The following NDUFS4 variants were observed in gnomAD, a reference collection of about 807,000 sequenced individuals.
NDUFS4 encodes NADH:ubiquinone oxidoreductase subunit S4.
A neutral mutation model predicts 24.3 loss-of-function variants in NDUFS4; 28 were observed. The ratio of observed to expected loss-of-function variants is 1.15; its 90% confidence interval spans 0.85 to 1.58. The LOEUF (loss-of-function observed/expected upper bound fraction) is 1.58. Among genes scored for constraint, NDUFS4 ranks in the 40% most tolerant of loss-of-function variants. NDUFS4 has a pLI of 0.00. For synonymous variants in NDUFS4, 93 were observed against 69.7 expected, an observed-to-expected ratio of 1.34 and a Z score of -1.67; for missense variants, 223 against 207.9, an observed-to-expected ratio of 1.07 and a Z score of -0.45.
At chr5:53,601,298 C>T (rs193301053) in intron 1 of NDUFS4, among the ~76,000 whole-genome samples, 2 of 152,104 alleles carry the variant, frequency 1.3e-5, no homozygotes, top group African/African-American at 2.4e-5. Context: ...CCACCGCGCC[C>T]GGCTACACAT....
intron 4 of NDUFS4, among the ~76,000 whole-genome samples, chr5:53,678,501 G>A (rs1297423987): frequency 6.6e-6 from 1 of 152,166 alleles, no homozygotes; most frequent in African/African-American, 2.4e-5. Flanking sequence ...CTGTCGCACA[G>A]CTGAGAAGAG....
intron 3 of NDUFS4, among the ~76,000 whole-genome samples, chr5:53,649,600 C>T (rs1403381301): frequency 6.6e-6 from 1 of 152,078 alleles, no homozygotes; most frequent in South Asian, 2.1e-4. Context: ...TTATCCAATC[C>T]ATTGTTGATG....
intron 2 of NDUFS4, among the ~76,000 whole-genome samples, chr5:53,635,383 G>T (rs1274488938): frequency 2.0e-5 from 3 of 151,948 alleles, no homozygotes; most frequent in African/African-American, 7.2e-5. Flanking sequence ...AGCCAGGCAG[G>T]GAGGCATGTG....
At chr5:53,582,059 AAAT>A (rs1749583078) in intron 1 of NDUFS4, among the ~76,000 whole-genome samples, 2 of 151,712 alleles carry the variant, frequency 1.3e-5, no homozygotes, top group African/African-American at 4.8e-5. Flanking sequence ...AAAATACAAA[AAAT>A]TAGCCGGGCG....
At chr5:53,643,341 A>G (rs1199500700) in intron 2 of NDUFS4, among the ~76,000 whole-genome samples, 2 of 152,172 alleles carry the variant, frequency 1.3e-5, no homozygotes, top group Non-Finnish European at 2.9e-5. Context: ...CAGGTGATCC[A>G]TATTGCCATA....
intron 1 of NDUFS4, among the ~76,000 whole-genome samples, chr5:53,576,487 A>G (rs532917278): frequency 1.8e-4 from 28 of 152,188 alleles, no homozygotes; most frequent in Admixed American, 3.3e-4. Flanking sequence ...GGTAGATACT[A>G]TAACTGATAG....
At chr5:53,601,426 T>C (rs1225419487) in intron 1 of NDUFS4, among the ~76,000 whole-genome samples, 1 of 152,184 alleles carries the variant, frequency 6.6e-6, no homozygotes, top group African/African-American at 2.4e-5. Flanking sequence ...TTAAGAACTT[T>C]ACTTTGGATT....
intron 2 of NDUFS4, among the ~76,000 whole-genome samples, chr5:53,632,946 A>C (rs1013065788): frequency 6.6e-6 from 1 of 152,138 alleles, no homozygotes; most frequent in Non-Finnish European, 1.5e-5. Flanking sequence ...GATGTTCTCA[A>C]TTCTCTTTAT....
chr5:53,661,559 G>C (rs140585075), intron 4 of NDUFS4, among the ~76,000 whole-genome samples: 2,537 of 152,214 alleles, frequency 0.017, 29 homozygotes, highest in Middle Eastern at 0.024. Flanking sequence ...TAGCTTGATG[G>C]GAATGGCATT....
chr5:53,683,291 A>ATT lies in NDUFS4; in HGVS notation c.*70_*71insTT. The stretch of plus-strand genomic sequence containing the variant: ...TGTGCAGTATTTATAGTCCATGTAT[A>ATT]ATAAATACATCTCTTAATCTCCTAA... On this transcript the variant is annotated 3_prime_UTR_variant, in exon 5 of 5. Transcript: ENST00000296684. 9.6e-7 allele frequency: 1 copy of ATT among 1,045,580 alleles called. No homozygotes were observed. Among genetic ancestry groups the ATT allele is most frequent in the Non-Finnish European group, 1.5e-6 (1 of 664,480 alleles). The allele number at this position is 1,045,580 out of a possible 1,614,324, so 64.8% of individuals were successfully genotyped here. A position where few individuals can be genotyped will look rare whatever the true frequency, so the allele number is the denominator to read the frequency against.
chr5:53,661,825 G>C (rs1042650142), intron 4 of NDUFS4, among the ~76,000 whole-genome samples: 1 of 152,172 alleles, frequency 6.6e-6, no homozygotes, highest in East Asian at 1.9e-4. Context: ...AAGAATGCTT[G>C]TGGTTTTTGC....
At chr5:53,587,448 G>A (rs1749799122) in intron 1 of NDUFS4, among the ~76,000 whole-genome samples, 1 of 151,884 alleles carries the variant, frequency 6.6e-6, no homozygotes, top group Non-Finnish European at 1.5e-5. Context: ...TGCTTATTTT[G>A]CATATATATG....
intron 1 of NDUFS4, among the ~76,000 whole-genome samples, chr5:53,596,511 CT>C (rs1561351417): frequency 6.6e-6 from 1 of 152,122 alleles, no homozygotes; most frequent in African/African-American, 2.4e-5. Flanking sequence ...TTGGTTCTCT[CT>C]TTTTTCTATC....
At chr5:53,560,904 C>G in intron 1 of NDUFS4, 144 bp downstream of exon 1, 1 of 1,524,796 alleles carries the variant, frequency 6.6e-7, no homozygotes, top group Non-Finnish European at 8.8e-7. Flanking sequence ...GGACTAGGGA[C>G]TGTCTGCTAT....
At chr5:53,585,664 C>G (rs907618911) in intron 1 of NDUFS4, among the ~76,000 whole-genome samples, 4 of 151,926 alleles carry the variant, frequency 2.6e-5, no homozygotes, top group African/African-American at 4.8e-5. Context: ...ATTACTTGAA[C>G]CTGGGAGGCG....
intron 1 of NDUFS4, among the ~76,000 whole-genome samples, chr5:53,597,267 A>C (rs984121543): frequency 6.6e-6 from 1 of 152,186 alleles, no homozygotes; most frequent in Non-Finnish European, 1.5e-5. Flanking sequence ...ATATTCTAAG[A>C]GACAGGGAGT....
chr5:53,663,167 T>G (rs1752397824), intron 4 of NDUFS4, among the ~76,000 whole-genome samples: 1 of 152,242 alleles, frequency 6.6e-6, no homozygotes, highest in Admixed American at 6.5e-5. Context: ...CTAGTTTGAT[T>G]GCACTGTGGT....
At chr5:53,590,208 C>G (rs916080784) in intron 1 of NDUFS4, among the ~76,000 whole-genome samples, 1 of 152,094 alleles carries the variant, frequency 6.6e-6, no homozygotes, top group Non-Finnish European at 1.5e-5. Context: ...GGCAGTTTAG[C>G]CAGAAATGTC....
chr5:53,617,554 C>T (rs1028545781), intron 2 of NDUFS4, among the ~76,000 whole-genome samples: 3 of 151,930 alleles, frequency 2.0e-5, no homozygotes, highest in Non-Finnish European at 4.4e-5. Flanking sequence ...TTTCTTCTTC[C>T]TTCCATTCTT....
Sources: allele counts gnomAD v4.1 joint callset (sites outside exome capture counted in the v4.1 genomes callset), GRCh38; gene constraint gnomAD v4.1.1; transcripts MANE v1.5; gene names NCBI Gene and HGNC (gene_info 2026-07-23, HGNC 2026-07-21).